The following LRP1B variants were observed in gnomAD, a reference collection of about 807,000 sequenced individuals.
LRP1B encodes the protein low-density lipoprotein receptor-related protein 1B.
Under a neutral mutation model 556.6 loss-of-function variants are expected in LRP1B, and 217 were observed. The observed-to-expected ratio is 0.39, with a 90% CI of 0.35 to 0.44. LRP1B has a LOEUF of 0.44. Ranked by LOEUF, LRP1B falls within the 20% of genes least tolerant of loss-of-function variation. LRP1B has a pLI of 1.00. For synonymous variants in LRP1B, 2,047 were observed against 1,865.8 expected (o/e 1.10, Z -2.50); for missense variants, 5,053 against 5,620.8 (o/e 0.90, Z 3.23).
intron 8 of LRP1B, among the ~76,000 whole-genome samples, chr2:141,061,385 A>G (rs933399535): frequency 1.3e-5 from 2 of 151,864 alleles, no homozygotes; most frequent in Admixed American, 1.3e-4. Flanking sequence ...AATAAGTGCC[A>G]TTAGTGAGAT....
intron 35 of LRP1B, among the ~76,000 whole-genome samples, chr2:140,748,258 T>C (rs1392731651): frequency 7.4e-6 from 1 of 135,000 alleles, no homozygotes; most frequent in Admixed American, 8.1e-5. Flanking sequence ...CATATATGTA[T>C]ATATTTTCAT....
chr2:142,049,912 C>T (rs899689157), intron 1 of LRP1B, among the ~76,000 whole-genome samples: 1 of 152,056 alleles, frequency 6.6e-6, no homozygotes, highest in African/African-American at 2.4e-5. Context: ...AATTACTTTA[C>T]AGAGTAAAAG....
intron 2 of LRP1B, among the ~76,000 whole-genome samples, chr2:141,728,112 G>A (rs918050302): frequency 9.9e-5 from 15 of 152,082 alleles, no homozygotes; most frequent in South Asian, 4.1e-4. Flanking sequence ...GAAATGTTCC[G>A]CTGGAGAGAA....
chr2:140,580,542 T>C (rs948581210), intron 43 of LRP1B, among the ~76,000 whole-genome samples: 4 of 152,296 alleles, frequency 2.6e-5, no homozygotes, highest in Admixed American at 6.5e-5. Flanking sequence ...CTTTTGAAAG[T>C]AGGGGTGTAA....
intron 83 of LRP1B, among the ~76,000 whole-genome samples, chr2:140,303,012 C>CATATATAT (rs59878403): frequency 1.1e-3 from 88 of 82,814 alleles, no homozygotes; most frequent in East Asian, 1.5e-3. Flanking sequence ...AAATCTCCTT[C>CATATATAT]ATATATATAT....
chr2:141,564,168 T>G (rs777691928), intron 2 of LRP1B, among the ~76,000 whole-genome samples: 5 of 152,102 alleles, frequency 3.3e-5, no homozygotes, highest in Admixed American at 1.3e-4. Flanking sequence ...TGTTAACAGT[T>G]TTTGAAAAAG....
At chr2:140,975,245 C>A (rs1369508888) in intron 18 of LRP1B, among the ~76,000 whole-genome samples, 4 of 151,354 alleles carry the variant, frequency 2.6e-5, no homozygotes, top group East Asian at 1.9e-4. Context: ...TGCAGGGAAC[C>A]CTGAAGAAGG....
At chr2:140,988,947 G>T (rs1167964124) in intron 17 of LRP1B, among the ~76,000 whole-genome samples, 9 of 151,930 alleles carry the variant, frequency 5.9e-5, no homozygotes, top group Non-Finnish European at 1.2e-4. Flanking sequence ...GCACTCCATT[G>T]TAAACTATAC....
chr2:140,632,954 G>A (rs199905572), intron 41 of LRP1B, among the ~76,000 whole-genome samples: 6 of 151,732 alleles, frequency 4.0e-5, no homozygotes, highest in South Asian at 2.1e-4. Context: ...TCCCAGCTAC[G>A]TGGGAGGCTG....
chr2:141,074,643 T>C (rs1040745306), intron 7 of LRP1B, among the ~76,000 whole-genome samples: 10 of 148,356 alleles, frequency 6.7e-5, no homozygotes, highest in African/African-American at 2.5e-4. Context: ...ATATTACATA[T>C]ATAATTTTTT....
intron 2 of LRP1B, among the ~76,000 whole-genome samples, chr2:141,720,506 C>T (rs1183241417): frequency 6.6e-6 from 1 of 151,988 alleles, no homozygotes; most frequent in Non-Finnish European, 1.5e-5. Flanking sequence ...TCATCTTGCA[C>T]CTTTTACAGC....
intron 66 of LRP1B, among the ~76,000 whole-genome samples, chr2:140,406,847 A>G (rs1684760643): frequency 6.6e-6 from 1 of 152,154 alleles, no homozygotes; most frequent in Non-Finnish European, 1.5e-5. Flanking sequence ...AACAATCTTA[A>G]AAATCATATG....
At chr2:142,117,975 T>C (rs7580223) in intron 1 of LRP1B, among the ~76,000 whole-genome samples, 1 of 152,140 alleles carries the variant, frequency 6.6e-6, no homozygotes, top group African/African-American at 2.4e-5. Context: ...ATGATGAGCA[T>C]AGAAATTTAA....
Position 140,362,105 on chromosome 2 carries a change from A to C in LRP1B, c.11131+2556T>G, listed in dbSNP as rs577739038. 8.6e-5 allele frequency among the ~76,000 whole-genome samples: 13 copies of C among 151,794 alleles called. No homozygotes were observed. In the East Asian group the frequency reaches 2.5e-3, roughly 30 times the overall value. On this transcript the variant is annotated intron_variant, in intron 72 of 90. Transcript: ENST00000389484. ...AAATCTGTCTATATTGTGCTAGCAC[A>C]GGCTGTTGTCATCTCAACCCAAGCT...
chr2:140,621,683 A>G (rs1683463252), intron 41 of LRP1B, among the ~76,000 whole-genome samples: 3 of 152,144 alleles, frequency 2.0e-5, no homozygotes, highest in African/African-American at 4.8e-5. Context: ...TTAAATCAGT[A>G]ATGGGGTGTA....
At chr2:141,288,168 A>C (rs1306812032) in intron 3 of LRP1B, among the ~76,000 whole-genome samples, 1 of 151,872 alleles carries the variant, frequency 6.6e-6, no homozygotes, top group East Asian at 1.9e-4. Flanking sequence ...AAATGTTATA[A>C]ATTTTGTTTT....
At chr2:140,679,731 T>A (rs947787519) in intron 41 of LRP1B, among the ~76,000 whole-genome samples, 2 of 151,924 alleles carry the variant, frequency 1.3e-5, no homozygotes, top group Non-Finnish European at 2.9e-5. Flanking sequence ...CTGGAGAAAC[T>A]GGTGCCTGAG....
At chr2:140,641,394 T>A (rs1418738437) in intron 41 of LRP1B, among the ~76,000 whole-genome samples, 1 of 152,212 alleles carries the variant, frequency 6.6e-6, no homozygotes, top group Non-Finnish European at 1.5e-5. Context: ...AGTGTCTTTA[T>A]AATAGAATAT....
chr2:141,419,918 T>C (rs1468354583), intron 3 of LRP1B, among the ~76,000 whole-genome samples: 2 of 137,878 alleles, frequency 1.5e-5, no homozygotes, highest in African/African-American at 2.6e-5. Flanking sequence ...TTAATACTTA[T>C]TTTGTGACCT....
Sources: allele counts gnomAD v4.1 joint callset (sites outside exome capture counted in the v4.1 genomes callset), GRCh38; gene constraint gnomAD v4.1.1; transcripts MANE v1.5; gene names NCBI Gene and HGNC (gene_info 2026-07-23, HGNC 2026-07-21).